Variants in RAB30 observed in about 807,000 individuals in gnomAD.
The protein encoded by RAB30 is RAB30, member RAS oncogene family.
In RAB30, 9 loss-of-function variants were observed where a neutral mutation model predicts 25.1. The observed-to-expected ratio is 0.36, with a 90% CI of 0.22 to 0.63. The LOEUF is 0.63. Among genes scored for constraint, RAB30 ranks in the 20% least tolerant of loss-of-function variants. The pLI is 0.69. For missense variants in RAB30, 140 were observed against 243.5 expected, an observed-to-expected ratio of 0.58 and a Z score of 2.83; for synonymous variants, 77 against 86.4, an observed-to-expected ratio of 0.89 and a Z score of 0.60.
chr11:83,029,984 G>T (rs547092670), intron 1 of RAB30, among the ~76,000 whole-genome samples: 2 of 152,266 alleles, frequency 1.3e-5, no homozygotes, highest in Admixed American at 6.5e-5. Context: ...TGGGAACTAA[G>T]CTGTGAGGAC....
chr11:83,066,353 T>A (rs943694722), intron 1 of RAB30, among the ~76,000 whole-genome samples: 2 of 152,218 alleles, frequency 1.3e-5, no homozygotes, highest in Non-Finnish European at 2.9e-5. Context: ...TTCAATTTTA[T>A]TTTTTGTAAT....
At chr11:83,001,478 C>T (rs922009855) in intron 1 of RAB30, among the ~76,000 whole-genome samples, 11 of 152,170 alleles carry the variant, frequency 7.2e-5, no homozygotes, top group Non-Finnish European at 1.3e-4. Context: ...CACGCCAAGA[C>T]GTTGCATGTT....
intron 1 of RAB30, among the ~76,000 whole-genome samples, chr11:83,063,317 T>C (rs998628803): frequency 2.0e-5 from 3 of 152,210 alleles, no homozygotes; most frequent in African/African-American, 7.2e-5. Context: ...CTCTTTGCAA[T>C]GTGGTTGCAT....
Position 83,057,823 on chromosome 11 carries a change from G to A in RAB30, c.-9+13868C>T, listed in dbSNP as rs141623212. 5.4e-3 allele frequency among the ~76,000 whole-genome samples: 820 copies of A among 152,302 alleles called. 7 individuals are homozygous for A. The highest frequency in any genetic ancestry group is 0.019 in the African/African-American group (773 of 41,552). On this transcript the variant is annotated intron_variant, in intron 1 of 4. Transcript: ENST00000527633. ...GAGAGAAAAGTATTCGTCAGACCAT[G>A]AATTCCAATTGTGGATTCAGAACAA...
intron 1 of RAB30, among the ~76,000 whole-genome samples, chr11:83,011,051 A>T (rs999736234): frequency 2.6e-5 from 4 of 152,254 alleles, no homozygotes; most frequent in Non-Finnish European, 5.9e-5. Context: ...TTCAAAAGTA[A>T]AAATGTGTTA....
At position 82,978,709 on chromosome 11, in the gene RAB30, G is replaced by A. The variant is rs762842087; in HGVS notation, c.*3456C>T. 6.6e-6 allele frequency: 1 copy of A among 152,084 alleles called. No homozygotes were observed. The highest frequency in any genetic ancestry group is 1.5e-5 in the Non-Finnish European group (1 of 68,028). 9.4% of individuals were successfully genotyped at this position (152,084 alleles called of 1,614,324 possible). A position where few individuals can be genotyped will look rare whatever the true frequency, so the allele number is the denominator to read the frequency against. On this transcript the variant is annotated 3_prime_UTR_variant, in exon 5 of 5. Transcript: ENST00000527633. Reference sequence around the variant, plus strand: ...GGCAAATCATTGGCCTAATTCTGTGGGAATCACCAGTGTCCTCCCAAGGCA... The same window carrying A: ...GGCAAATCATTGGCCTAATTCTGTGAGAATCACCAGTGTCCTCCCAAGGCA...
intron 3 of RAB30, among the ~76,000 whole-genome samples, chr11:82,993,379 C>T (rs1856896362): frequency 6.6e-6 from 1 of 152,196 alleles, no homozygotes. Context: ...ATACCACTTA[C>T]CCCACAGGTT....
intron 4 of RAB30, among the ~76,000 whole-genome samples, chr11:82,985,071 A>G (rs1486506399): frequency 2.0e-5 from 3 of 152,112 alleles, no homozygotes; most frequent in Non-Finnish European, 4.4e-5. Context: ...TGTGTCTCCC[A>G]GGTTCAAGAG....
chr11:82,986,071 T>G (rs990732153), intron 4 of RAB30, among the ~76,000 whole-genome samples: 26 of 152,232 alleles, frequency 1.7e-4, no homozygotes, highest in Non-Finnish European at 2.8e-4. Context: ...TGTCTAAGTT[T>G]TTAAGGATAC....
chr11:83,067,654 C>T (rs1242249620), intron 1 of RAB30, among the ~76,000 whole-genome samples: 1 of 152,258 alleles, frequency 6.6e-6, no homozygotes, highest in South Asian at 2.1e-4. Context: ...TTCTCCCTAT[C>T]CCCCCATCCA....
intron 1 of RAB30, among the ~76,000 whole-genome samples, chr11:83,056,817 A>C (rs1467846006): frequency 6.6e-6 from 1 of 152,252 alleles, no homozygotes; most frequent in African/African-American, 2.4e-5. Context: ...ATGTTAACAC[A>C]GTGCTTGGCA....
At chr11:83,047,307 T>A (rs1185464519) in intron 1 of RAB30, among the ~76,000 whole-genome samples, 1 of 152,110 alleles carries the variant, frequency 6.6e-6, no homozygotes, top group East Asian at 1.9e-4. Context: ...AATAAAAAAA[T>A]ACATGTAGCC....
intron 1 of RAB30, among the ~76,000 whole-genome samples, chr11:83,032,128 A>G (rs1326615555): frequency 6.8e-6 from 1 of 147,676 alleles, no homozygotes; most frequent in Non-Finnish European, 1.5e-5. Context: ...AGATGTCTCA[A>G]TAGTAGTGAT....
intron 2 of RAB30, among the ~76,000 whole-genome samples, chr11:82,994,503 T>A (rs1271304213): frequency 6.6e-6 from 1 of 152,046 alleles, no homozygotes; most frequent in Non-Finnish European, 1.5e-5. Flanking sequence ...GAGATCAGAA[T>A]TGGAAGGGTC....
At chr11:83,065,621 C>A (rs1447795394) in intron 1 of RAB30, among the ~76,000 whole-genome samples, 5 of 152,154 alleles carry the variant, frequency 3.3e-5, no homozygotes, top group Non-Finnish European at 5.9e-5. Flanking sequence ...ATGTTGTGTA[C>A]TTCCCATTGA....
intron 1 of RAB30, chr11:83,060,273 C>T (rs1359267530): frequency 6.6e-6 from 1 of 151,692 alleles, no homozygotes; most frequent in African/African-American, 2.4e-5. Flanking sequence ...ATGATAAATA[C>T]AGAAGGAAAG....
chr11:83,060,898 C>T (rs1185067918), intron 1 of RAB30, among the ~76,000 whole-genome samples: 1 of 152,106 alleles, frequency 6.6e-6, no homozygotes, highest in Admixed American at 6.6e-5. Flanking sequence ...AAAACAAAAG[C>T]AGAGAAAAGG....
chr11:83,004,440 T>C (rs4944422), intron 1 of RAB30, among the ~76,000 whole-genome samples: 41,472 of 152,000 alleles, frequency 0.27, 6,084 homozygotes, highest in East Asian at 0.32. Context: ...ACAGTAGAAA[T>C]AGAGGCCCTA....
chr11:83,062,658 CACA>C (rs1455707471), intron 1 of RAB30, among the ~76,000 whole-genome samples: 2 of 152,144 alleles, frequency 1.3e-5, no homozygotes, highest in African/African-American at 2.4e-5. Flanking sequence ...TCCTTTTATA[CACA>C]ACATCTCCTT....
Sources: allele counts gnomAD v4.1 joint callset (sites outside exome capture counted in the v4.1 genomes callset), GRCh38; gene constraint gnomAD v4.1.1; transcripts MANE v1.5; gene names NCBI Gene and HGNC (gene_info 2026-07-23, HGNC 2026-07-21).